TSPAN18: variants seen among roughly 807,000 people sequenced by gnomAD.
TSPAN18 encodes tetraspanin-18.
A neutral mutation model predicts 27.3 loss-of-function variants in TSPAN18; 14 were observed. That is an observed-to-expected ratio of 0.51 (90% CI 0.34 to 0.80). The LOEUF (loss-of-function observed/expected upper bound fraction) is 0.80. TSPAN18 is among the 30% of genes least tolerant of loss of function. The pLI is 0.01. For synonymous variants in TSPAN18, 143 were observed against 136.5 expected (o/e 1.05, Z -0.33); for missense variants, 268 against 323.9 (o/e 0.83, Z 1.32).
At chr11:44,733,683 A>T (rs569780236) in intron 1 of TSPAN18, among the ~76,000 whole-genome samples, 1 of 152,326 alleles carries the variant, frequency 6.6e-6, no homozygotes, top group Non-Finnish European at 1.5e-5. Context: ...AGGTGAGACA[A>T]GCCAGAGTCT....
At position 44,886,161 on chromosome 11, in the gene TSPAN18, G is replaced by T. The variant is rs564208958; in HGVS notation, c.-10-20246G>T. ...TGCCTCTGGATCTGGAAGCTTCTGG[G>T]AGCTTCAGGCCCTTGAGTTCTGAGA... is the stretch of plus-strand genomic sequence containing the variant. On this transcript the variant is annotated intron_variant, in intron 3 of 9. Coordinates refer to ENST00000520358, the MANE Select transcript of TSPAN18 (RefSeq NM_130783.5). 2.6e-5 allele frequency: 4 copies of T among 152,324 alleles called. No individual in the cohort carries two copies. The South Asian group carries it at 8.3e-4, about 32-fold the overall frequency. The allele number at this position is 152,324 out of a possible 1,614,324, so 9.4% of individuals were successfully genotyped here. A position where few individuals can be genotyped will look rare whatever the true frequency, so the allele number is the denominator to read the frequency against.
At chr11:44,886,784 G>A (rs1001613026) in intron 3 of TSPAN18, among the ~76,000 whole-genome samples, 1 of 152,202 alleles carries the variant, frequency 6.6e-6, no homozygotes, top group African/African-American at 2.4e-5. Flanking sequence ...AAATGACTTT[G>A]AATGTCTTTT....
At chr11:44,771,762 G>A (rs1855694355) in intron 2 of TSPAN18, among the ~76,000 whole-genome samples, 1 of 152,182 alleles carries the variant, frequency 6.6e-6, no homozygotes, top group African/African-American at 2.4e-5. Context: ...ATGATTTAAT[G>A]TGTACAGGAG....
chr11:44,920,136 A>T (rs1205790365), intron 8 of TSPAN18, 137 bp downstream of exon 8: 1 of 889,456 alleles, frequency 1.1e-6, no homozygotes, highest in Non-Finnish European at 1.7e-6. Flanking sequence ...ATGATATGGG[A>T]TGCCTGCACC....
chr11:44,909,820 C>T lies in TSPAN18; in HGVS notation c.179C>T (p.Ala60Val), dbSNP rs1859640395. ...LLLTGAYILL[A>V]MGGLLFLLGF... ...CTCACGGGCGCCTACATCCTCCTGG[C>T]CATGGGGGGCCTGCTCTTTCTGCTC... The change falls in exon 5 of 10, where the codon GCC becomes GTC. Residue 60 changes from alanine (A) to valine (V), a missense_variant. Transcript: ENST00000520358. 1 of 1,613,938 alleles carries T rather than the reference C, an allele frequency of 6.2e-7. No homozygotes were observed. The highest frequency in any genetic ancestry group is 1.1e-5 in the South Asian group (1 of 91,046).
At chr11:44,827,319 C>T (rs1009138876) in intron 2 of TSPAN18, among the ~76,000 whole-genome samples, 3 of 152,340 alleles carry the variant, frequency 2.0e-5, no homozygotes. Context: ...GGAACAAGAC[C>T]AGCAAGCCTT....
chr11:44,914,179 A>G (rs1426466814), intron 5 of TSPAN18, among the ~76,000 whole-genome samples: 1 of 152,216 alleles, frequency 6.6e-6, no homozygotes, highest in Non-Finnish European at 1.5e-5. Flanking sequence ...TCTGCCTTGT[A>G]TGCATTTATT....
At chr11:44,790,931 A>T (rs1242036280) in intron 2 of TSPAN18, among the ~76,000 whole-genome samples, 3 of 151,994 alleles carry the variant, frequency 2.0e-5, no homozygotes, top group African/African-American at 7.3e-5. Context: ...CCCTCAGGAG[A>T]TGTCATTTTT....
chr11:44,737,759 G>T (rs8181601), intron 1 of TSPAN18, among the ~76,000 whole-genome samples: 1 of 151,898 alleles, frequency 6.6e-6, no homozygotes, highest in Non-Finnish European at 1.5e-5. Context: ...TACCTCTTCT[G>T]CAGCCCATCT....
chr11:44,818,259 G>A (rs972727698), intron 2 of TSPAN18, among the ~76,000 whole-genome samples: 12 of 152,276 alleles, frequency 7.9e-5, no homozygotes, highest in African/African-American at 2.4e-4. Flanking sequence ...TTCCCTCCAC[G>A]GCCCTGCCCA....
chr11:44,815,633 A>G (rs899538919), intron 2 of TSPAN18, among the ~76,000 whole-genome samples: 1 of 152,208 alleles, frequency 6.6e-6, no homozygotes, highest in Non-Finnish European at 1.5e-5. Context: ...CAGGGATACC[A>G]TGGTGATAAT....
At chr11:44,755,446 C>G (rs937729846) in intron 1 of TSPAN18, among the ~76,000 whole-genome samples, 1 of 151,982 alleles carries the variant, frequency 6.6e-6, no homozygotes, top group African/African-American at 2.4e-5. Context: ...TTCCCTCCCC[C>G]AGCCAGACAA....
intron 8 of TSPAN18, among the ~76,000 whole-genome samples, chr11:44,920,682 C>T (rs1462289947): frequency 2.0e-5 from 3 of 151,990 alleles, no homozygotes; most frequent in Non-Finnish European, 4.4e-5. Context: ...CCAGGCTAGG[C>T]AGGAGGAGAG....
intron 8 of TSPAN18, among the ~76,000 whole-genome samples, chr11:44,924,641 A>G (rs1860278859): frequency 6.6e-6 from 1 of 151,996 alleles, no homozygotes; most frequent in Admixed American, 6.6e-5. Flanking sequence ...GCCAGGGCTG[A>G]TCCCAAAACT....
chr11:44,805,101 G>C (rs1204724973), intron 2 of TSPAN18, among the ~76,000 whole-genome samples: 1 of 152,250 alleles, frequency 6.6e-6, no homozygotes. Flanking sequence ...TCCCAACCAT[G>C]GGCGGGAGCA....
At chr11:44,794,699 T>A (rs11603454) in intron 2 of TSPAN18, among the ~76,000 whole-genome samples, 1 of 151,438 alleles carries the variant, frequency 6.6e-6, no homozygotes, top group Non-Finnish European at 1.5e-5. Flanking sequence ...ACTCAGTCTC[T>A]GTTCCGAGAC....
At chr11:44,869,038 C>T (rs889587339) in intron 3 of TSPAN18, among the ~76,000 whole-genome samples, 1 of 152,250 alleles carries the variant, frequency 6.6e-6, no homozygotes, top group African/African-American at 2.4e-5. Context: ...GGGGTGCCAG[C>T]CAGGTTCTGC....
chr11:44,881,527 A>G (rs1040863363), intron 3 of TSPAN18, among the ~76,000 whole-genome samples: 3 of 152,184 alleles, frequency 2.0e-5, no homozygotes, highest in Non-Finnish European at 4.4e-5. Flanking sequence ...TCTTCATCCT[A>G]GTTTTCTATT....
chr11:44,774,720 T>G (rs928586379), intron 2 of TSPAN18, among the ~76,000 whole-genome samples: 1 of 152,090 alleles, frequency 6.6e-6, no homozygotes, highest in Non-Finnish European at 1.5e-5. Context: ...GATGAAAAAC[T>G]CCCACTCCCT....
Sources: allele counts gnomAD v4.1 joint callset (sites outside exome capture counted in the v4.1 genomes callset), GRCh38; gene constraint gnomAD v4.1.1; transcripts MANE v1.5; gene names NCBI Gene and HGNC (gene_info 2026-07-23, HGNC 2026-07-21).